CDC25B: variants seen among roughly 807,000 people sequenced by gnomAD.
The protein encoded by CDC25B is cell division cycle 25B, also known as M-phase inducer phosphatase 2.
Under a neutral mutation model 69.8 loss-of-function variants are expected in CDC25B, and 33 were observed. The observed-to-expected ratio is 0.47, with a 90% CI of 0.36 to 0.63. The LOEUF (loss-of-function observed/expected upper bound fraction) is 0.63, where lower values mean the gene tolerates loss of function less well. CDC25B is among the 30% of genes least tolerant of loss of function. CDC25B has a pLI of 0.00. For missense variants in CDC25B, 727 were observed against 809.1 expected, an observed-to-expected ratio of 0.90 and a Z score of 1.23; for synonymous variants, 341 against 314.6, an observed-to-expected ratio of 1.08 and a Z score of -0.89.
Position 3,803,315 on chromosome 20 carries a change from G to A in CDC25B, c.1357-89G>A. ...ACGGGTGCCCCCTCTCATGGGGAGG[G>A]TTCCTACTAAGAGAAGGACAGCGAC... On this transcript the variant is annotated intron_variant, in intron 13 of 15. Transcript: ENST00000245960. The surrounding 1 kb of genome is among the most constrained non-coding windows in gnomAD (Gnocchi z 4.9). 6.3e-7 allele frequency: 1 copy of A among 1,588,712 alleles called. No homozygotes were observed. Among genetic ancestry groups the A allele is most frequent in the East Asian group, 2.2e-5 (1 of 44,680 alleles).
rs751150551 is a variant in CDC25B at position 3,803,484 on chromosome 20, G to A, written c.1437G>A (p.Lys479=). 3 of 1,614,060 alleles carry A rather than the reference G, an allele frequency of 1.9e-6. No individual in the cohort carries two copies. Among genetic ancestry groups the A allele is most frequent in the South Asian group, 2.2e-5 (2 of 91,084 alleles). The change falls in exon 14 of 16, where the codon AAG becomes AAA. Residue 479 remains lysine (K), a synonymous_variant. Coordinates refer to ENST00000245960, the MANE Select transcript of CDC25B (RefSeq NM_021873.4). This position sits in a 1 kb window ranked among gnomAD's most constrained non-coding sequence, Gnocchi z 4.9. ...CCATCGCGCCCTGTAGCCTGGACAA[G>A]AGAGTCATCCTCATTTTCCACTGTG... ...KSPIAPCSLD[K]RVILIFHCEF... is the part of the protein sequence containing the mutation.
Position 3,803,114 on chromosome 20 carries a change from G to A in CDC25B, c.1264G>A (p.Ala422Thr). 4 of 1,613,614 alleles carry A rather than the reference G, an allele frequency of 2.5e-6. No homozygotes were observed. Among genetic ancestry groups the A allele is most frequent in the Non-Finnish European group, 3.4e-6 (4 of 1,179,574 alleles). ...CCCCCATGACCTCCTACAGATGGTG[G>A]CCCTATTGACGGGCAAGTTCAGCAA... ...LKYISPETMV[A>T]LLTGKFSNIV... The change falls in exon 13 of 16, where the codon GCC (alanine) becomes ACC (threonine). Residue 422 changes from alanine to threonine, a missense_variant. By Grantham distance (58) the Ala-to-Thr change is moderately conservative. This residue lies in a region of CDC25B where 359 missense variants were observed against 463.4 expected (regional missense o/e 0.77). Transcript: ENST00000245960. This position sits in a 1 kb window ranked among gnomAD's most constrained non-coding sequence, Gnocchi z 4.9.
chr20:3,806,060 C>T lies in CDC25B; in HGVS notation c.*1099C>T. 2.5e-6 allele frequency: 1 copy of T among 397,830 alleles called. No individual in the cohort carries two copies. Among genetic ancestry groups the T allele is most frequent in the Non-Finnish European group, 4.4e-6 (1 of 225,788 alleles). 24.6% of individuals were successfully genotyped at this position (397,830 alleles called of 1,614,324 possible). ...GGGGGCAGGGCTGTGCTTGAAGGCC[C>T]TGCTGAGTCATCTGTTAGGGCCTTG... On this transcript the variant is annotated 3_prime_UTR_variant, in exon 16 of 16. Transcript: ENST00000245960.
At chr20:3,795,054 G>T (rs1032285124), upstream of CDC25B, among the ~76,000 whole-genome samples, 2 of 152,214 alleles carry the variant, frequency 1.3e-5, no homozygotes, top group Non-Finnish European at 2.9e-5. Flanking sequence ...AGCGGGGCTG[G>T]AAGGCATTTA....
Position 3,805,659 on chromosome 20 carries a change from A to C in CDC25B, c.*698A>C, listed in dbSNP as rs1422124796. 1 of 400,786 alleles carries C rather than the reference A, an allele frequency of 2.5e-6. No homozygotes were observed. The allele number at this position is 400,786 out of a possible 1,614,324, so 24.8% of individuals were successfully genotyped here. On this transcript the variant is annotated 3_prime_UTR_variant, in exon 16 of 16. Transcript: ENST00000245960. ...TCGGTCCCAGTTTTGTTGCCCCAGA[A>C]AGGGATGTTATTATCCTTGGGGGCT...
At chr20:3,787,159 C>T (rs1166657356) in intron 1 of CDC25B, 3 of 657,388 alleles carry the variant, frequency 4.6e-6, no homozygotes, top group East Asian at 2.8e-5. Flanking sequence ...TGATACATTT[C>T]CTTCCAGTCT....
rs113612481 is a variant in CDC25B at position 3,791,172 on chromosome 20, A to G, written c.8+4033A>G. The stretch of plus-strand genomic sequence containing the variant: ...GGAATCACCTCCCCTATTGAAGACA[A>G]TAACTCAACGAACATACATCTGTGT... On this transcript the variant is annotated intron_variant, in intron 1 of 15. Transcript: ENST00000344256. Among the ~76,000 whole-genome samples, 779 of 152,334 alleles carry G rather than the reference A, an allele frequency of 5.1e-3. 4 individuals carry two copies. The highest frequency in any genetic ancestry group is 7.7e-3 in the Non-Finnish European group (524 of 68,034).
In CDC25B at chr20:3,802,349, C is replaced by T. The variant is rs903651394; in HGVS notation, c.1167C>T (p.His389=). ...DEIENLLDSD[H]RELIGDYSKA... is the part of the protein sequence containing the mutation. Reference sequence around the variant, plus strand: ...TCGAGAACCTCCTGGACAGTGACCACCGAGAGCTGATTGGAGATTACTCTA... The same window carrying T: ...TCGAGAACCTCCTGGACAGTGACCATCGAGAGCTGATTGGAGATTACTCTA... Residue 389 remains histidine (H), a synonymous_variant, in exon 11 of 16, where the codon CAC becomes CAT. Coordinates refer to ENST00000245960, the MANE Select transcript of CDC25B (RefSeq NM_021873.4). The T allele has an allele frequency of 3.7e-6, 6 of 1,607,510 alleles. No individual in the cohort carries two copies. Among genetic ancestry groups the T allele is most frequent in the Non-Finnish European group, 5.1e-6 (6 of 1,179,758 alleles).
chr20:3,788,289 C>T (rs571289930), intron 1 of CDC25B, among the ~76,000 whole-genome samples: 19 of 152,300 alleles, frequency 1.2e-4, no homozygotes, highest in Non-Finnish European at 2.1e-4. Flanking sequence ...TTTCTGTTTT[C>T]GTATGTTTCT....
chr20:3,789,862 G>GC (rs2088884451), intron 1 of CDC25B, among the ~76,000 whole-genome samples: 1 of 151,982 alleles, frequency 6.6e-6, no homozygotes, highest in Non-Finnish European at 1.5e-5. Flanking sequence ...GGTGGCGGGC[G>GC]CCTGTAGTCC....
rs514521 is a variant in CDC25B, at chr20:3,804,925, C to A, written c.1707C>A (p.Ser569Arg). 1 of 1,613,526 alleles carries A rather than the reference C, an allele frequency of 6.2e-7. No homozygotes were observed. Among genetic ancestry groups the A allele is most frequent in the East Asian group, 2.2e-5 (1 of 44,898 alleles). ...CTCGCAGCTGGGCTGGGGAGCGGAG[C>A]CGGCGGGAGCTCTGTAGCCGGCTGC... Reference protein sequence around the residue: ...LKTRSWAGERSRRELCSRLQD... With the variant: ...LKTRSWAGERRRRELCSRLQD... The change falls in exon 16 of 16, where the codon AGC (serine) becomes AGA (arginine). Residue 569 changes from serine to arginine, a missense_variant. Coordinates refer to ENST00000245960, the MANE Select transcript of CDC25B (RefSeq NM_021873.4).
In CDC25B at chr20:3,796,410, T is replaced by TCCC. The variant is rs2089043928; in HGVS notation, c.-121_-119dup. 3.6e-5 allele frequency: 6 copies of TCCC among 164,644 alleles called. No individual in the cohort carries two copies. In the South Asian group the frequency reaches 6.3e-4, roughly 17 times the overall value. 10.2% of individuals were successfully genotyped at this position (164,644 alleles called of 1,614,324 possible). On this transcript the variant is annotated 5_prime_UTR_variant, in exon 1 of 16. Transcript: ENST00000245960. ...GCCTGGCCCTGTGGCTCTTCCTCCCTCCCTCCTTCCCCCCCCCCCCACCCC... is the reference window on the plus strand; with the variant it reads ...GCCTGGCCCTGTGGCTCTTCCTCCCTCCCCCCTCCTTCCCCCCCCCCCCACCCC...
In CDC25B at chr20:3,796,425, C is replaced by CG. The variant is rs1194573844; in HGVS notation, c.-107_-106insG. 2.6e-5 allele frequency: 5 copies of CG among 193,062 alleles called. 1 individual carries two copies. The highest frequency in any genetic ancestry group is 4.6e-5 in the Non-Finnish European group (5 of 109,346). 12.0% of individuals were successfully genotyped at this position (193,062 alleles called of 1,614,324 possible). On this transcript the variant is annotated 5_prime_UTR_variant, in exon 1 of 16. Transcript: ENST00000245960. ...TCTTCCTCCCTCCCTCCTTCCCCCCCCCCCCACCCCTCGCCCGCTGCCTCC... is the reference window on the plus strand; with the variant it reads ...TCTTCCTCCCTCCCTCCTTCCCCCCCGCCCCCACCCCTCGCCCGCTGCCTCC...
chr20:3,800,835 T>G lies in CDC25B; in HGVS notation c.552T>G (p.Ala184=), dbSNP rs752588927. The G allele has an allele frequency of 6.2e-7, 1 of 1,613,650 alleles. No homozygotes were observed. Among genetic ancestry groups the G allele is most frequent in the South Asian group, 1.1e-5 (1 of 91,082 alleles). ...GRRKSEAGSG[A]ASSSGEDKEN... ...GGAAGAGCGAGGCGGGCAGTGGAGC[T>G]GCCAGCAGCTCTGGGGAAGACAAGG... The change falls in exon 6 of 16, where the codon GCT becomes GCG. Residue 184 remains alanine (A), a synonymous_variant. Transcript: ENST00000245960.
intron 1 of CDC25B, among the ~76,000 whole-genome samples, chr20:3,796,956 A>T (rs749960884): frequency 2.6e-5 from 4 of 152,090 alleles, no homozygotes; most frequent in Non-Finnish European, 5.9e-5. Context: ...CTCAGTCTGC[A>T]CAAGCCTCTC....
chr20:3,804,670 C>A lies in CDC25B; in HGVS notation c.1592C>A (p.Pro531His). 1 of 1,612,892 alleles carries A rather than the reference C, an allele frequency of 6.2e-7. No individual in the cohort carries two copies. Among genetic ancestry groups the A allele is most frequent in the African/African-American group, 1.3e-5 (1 of 74,948 alleles). ...AAAGGCGGCTACAAGGAGTTCTTCC[C>A]TCAGCACCCGGTAGCGTGGGTGGGG... ...ILKGGYKEFF[P>H]QHPNFCEPQD... The change falls in exon 15 of 16, where the codon CCT (proline) becomes CAT (histidine). Residue 531 changes from proline to histidine, a missense_variant. Transcript: ENST00000245960.
Position 3,801,004 on chromosome 20 carries a change from A to G in CDC25B, c.616A>G (p.Thr206Ala), listed in dbSNP as rs1316254185. 6.2e-7 allele frequency: 1 copy of G among 1,614,032 alleles called. No homozygotes were observed. ...GFVFKMPWKP[T>A]HPSSTHALAE... ...TGTCTTCAAGATGCCATGGAAGCCC[A>G]CACATCCCAGCTCCACCCATGCTCT... Residue 206 changes from threonine (T) to alanine (A), a missense_variant, in exon 7 of 16, where the codon ACA becomes GCA. By Grantham distance (58) the Thr-to-Ala change is moderately conservative (BLOSUM62 0). Coordinates refer to ENST00000245960, the MANE Select transcript of CDC25B (RefSeq NM_021873.4).
chr20:3,804,492 G>C (rs1033785031), intron 14 of CDC25B, 77 bp from the exon 15 acceptor site: 16 of 890,544 alleles, frequency 1.8e-5, no homozygotes, highest in African/African-American at 3.3e-5. Flanking sequence ...CAAAGGAGGG[G>C]ACGTGGGGGA....
chr20:3,795,528 C>T (rs3761218), upstream of CDC25B, among the ~76,000 whole-genome samples: 98,865 of 152,162 alleles, frequency 0.65, 32,331 homozygotes, highest in African/African-American at 0.73. Flanking sequence ...CTTAATTCGC[C>T]TCTCTGGTTG....
Sources: gnomAD v4.1 joint callset for allele counts (sites outside exome capture counted in the v4.1 genomes callset) on GRCh38, gnomAD v4.1.1 for gene constraint, gnomAD v4.1.1 regional missense constraint, Gnocchi (gnomAD v3.1) non-coding constraint, MANE v1.5 for transcripts, NCBI Gene and HGNC (gene_info 2026-07-23, HGNC 2026-07-21) for gene names.